TENM3: variants seen among roughly 807,000 people sequenced by gnomAD.
TENM3 encodes teneurin transmembrane protein 3.
A neutral mutation model predicts 255.1 loss-of-function variants in TENM3; 63 were observed. The ratio of observed to expected loss-of-function variants is 0.25; its 90% confidence interval spans 0.20 to 0.30. TENM3 has a LOEUF of 0.30. Ranked by LOEUF, TENM3 falls within the 10% of genes least tolerant of loss-of-function variation. The probability of loss-of-function intolerance (pLI) is 1.00; values close to 1 mark genes in which losing one functional copy is unlikely to be tolerated. For missense variants in TENM3, 2,929 were observed against 3,461.1 expected, an observed-to-expected ratio of 0.85 and a Z score of 3.86; for synonymous variants, 1,306 against 1,322.3, an observed-to-expected ratio of 0.99 and a Z score of 0.27.
At chr4:181,479,611 C>T in the TENM3 span, among the ~76,000 whole-genome samples, 1 of 151,956 alleles carries the variant, frequency 6.6e-6, no homozygotes, top group African/African-American at 2.4e-5. Context: ...TTAAAAAACA[C>T]ACACAGAGGA....
At chr4:182,615,306 C>T (rs1020760553) in intron 4 of TENM3, among the ~76,000 whole-genome samples, 1 of 151,578 alleles carries the variant, frequency 6.6e-6, no homozygotes, top group Admixed American at 6.6e-5. Context: ...ATAAAAACTA[C>T]CCCAGCCAGA....
At chr4:182,554,233 T>A (rs1163351541) in intron 3 of TENM3, among the ~76,000 whole-genome samples, 6 of 152,226 alleles carry the variant, frequency 3.9e-5, no homozygotes, top group African/African-American at 1.4e-4. Flanking sequence ...TTTTTATTTC[T>A]CAGTTGCAAT....
the TENM3 span, among the ~76,000 whole-genome samples, chr4:181,853,816 G>C: frequency 1.3e-5 from 2 of 152,230 alleles, no homozygotes; most frequent in African/African-American, 4.8e-5. Flanking sequence ...CCAGCATGCT[G>C]TAGTAGCCCT....
chr4:181,726,373 A>C, the TENM3 span, among the ~76,000 whole-genome samples: 2 of 152,086 alleles, frequency 1.3e-5, no homozygotes, highest in African/African-American at 2.4e-5. Context: ...GGTATTTTGC[A>C]TGCAATTTCA....
the TENM3 span, among the ~76,000 whole-genome samples, chr4:181,658,647 T>C: frequency 2.0e-5 from 3 of 152,212 alleles, no homozygotes; most frequent in Non-Finnish European, 4.4e-5. Flanking sequence ...CGTAGCACGA[T>C]GGAGCAGAGA....
chr4:181,466,844 T>C, the TENM3 span, among the ~76,000 whole-genome samples: 1 of 151,950 alleles, frequency 6.6e-6, no homozygotes, highest in Non-Finnish European at 1.5e-5. Context: ...CTGAATTCTT[T>C]TTCTTGTAAA....
intron 12 of TENM3, among the ~76,000 whole-genome samples, chr4:182,700,226 G>A (rs34878599): frequency 1.3e-5 from 2 of 152,030 alleles, no homozygotes; most frequent in Non-Finnish European, 2.9e-5. Context: ...TAAATAAAAT[G>A]TTGGGACTTT....
chr4:182,061,760 GC>G, the TENM3 span, among the ~76,000 whole-genome samples: 2 of 151,944 alleles, frequency 1.3e-5, no homozygotes, highest in Non-Finnish European at 2.9e-5. Flanking sequence ...GGAGTTGGAG[GC>G]CAGCCTGGGC....
chr4:181,579,846 C>T, the TENM3 span, among the ~76,000 whole-genome samples: 1 of 152,096 alleles, frequency 6.6e-6, no homozygotes, highest in Non-Finnish European at 1.5e-5. Flanking sequence ...CATAGTAAAC[C>T]TACCCACCTG....
rs1452516426 is a variant in TENM3 at position 182,169,342 on chromosome 4, C to T, written c.-76+24588C>T. The stretch of plus-strand genomic sequence containing the variant: ...GTTTTGAATGTTTATTGTAAAGATA[C>T]TTTTCAACTCTAATGGGAGAGACAG... On this transcript the variant is annotated intron_variant, in intron 1 of 2. Transcript: ENST00000512480. The T allele has an allele frequency of 6.3e-6, 3 of 473,374 alleles. No individual in the cohort carries two copies. The Admixed American group carries it at 7.0e-5, about 11-fold the overall frequency. The allele number at this position is 473,374 out of a possible 1,614,324, so 29.3% of individuals were successfully genotyped here.
rs565196505 is a variant in TENM3 at position 182,329,061 on chromosome 4, T to C, written c.232+4809T>C. On this transcript the variant is annotated intron_variant, in intron 2 of 27. Coordinates refer to ENST00000511685, the MANE Select transcript of TENM3 (RefSeq NM_001080477.4). ...TAGTCTGAATGTTCCTGTAAATATG[T>C]ATCTTGGACCCTGGCATGATGGTGG... is the stretch of plus-strand genomic sequence containing the variant. Among the ~76,000 whole-genome samples, 4 of 152,242 alleles carry C rather than the reference T, an allele frequency of 2.6e-5. No homozygotes were observed. In the South Asian group the frequency reaches 8.3e-4, roughly 32 times the overall value.
chr4:182,172,288 G>T (rs1289328465), intron 1 of TENM3, among the ~76,000 whole-genome samples: 1 of 152,196 alleles, frequency 6.6e-6, no homozygotes, highest in Non-Finnish European at 1.5e-5. Context: ...ACTGTGTGGG[G>T]AGGGAAAGAC....
At chr4:182,667,955 A>G (rs1754857389) in intron 6 of TENM3, among the ~76,000 whole-genome samples, 1 of 143,824 alleles carries the variant, frequency 7.0e-6, no homozygotes, top group Non-Finnish European at 1.6e-5. Flanking sequence ...TAATAAATAC[A>G]TAAATACATT....
At chr4:182,070,502 A>G in the TENM3 span, among the ~76,000 whole-genome samples, 3 of 152,168 alleles carry the variant, frequency 2.0e-5, no homozygotes, top group Non-Finnish European at 4.4e-5. Context: ...CTATAATCCC[A>G]GCTACTTGGG....
the TENM3 span, among the ~76,000 whole-genome samples, chr4:181,520,791 T>C: frequency 6.6e-6 from 1 of 151,752 alleles, no homozygotes; most frequent in Non-Finnish European, 1.5e-5. Context: ...TGGTGTAGAC[T>C]CTTGTCTGTC....
intron 4 of TENM3, among the ~76,000 whole-genome samples, chr4:182,620,258 T>A (rs1419277167): frequency 1.3e-5 from 2 of 152,188 alleles, no homozygotes; most frequent in African/African-American, 4.8e-5. Context: ...CAGTATTCCA[T>A]TCCTTCGTTA....
At chr4:182,503,991 A>G (rs1334809143) in intron 3 of TENM3, among the ~76,000 whole-genome samples, 1 of 151,722 alleles carries the variant, frequency 6.6e-6, no homozygotes, top group East Asian at 1.9e-4. Flanking sequence ...ATACTATCTG[A>G]CATATTATCT....
chr4:182,761,329 G>A (rs949399237), intron 22 of TENM3, among the ~76,000 whole-genome samples: 3 of 152,102 alleles, frequency 2.0e-5, no homozygotes, highest in Admixed American at 6.5e-5. Context: ...TGAGGCAGGA[G>A]AATCGCTTGA....
chr4:182,485,597 T>G (rs572425716), intron 3 of TENM3, among the ~76,000 whole-genome samples: 8 of 152,304 alleles, frequency 5.3e-5, no homozygotes, highest in African/African-American at 1.9e-4. Context: ...TTTGATACTT[T>G]GCTTTAGAGG....
Sources: gnomAD v4.1 joint callset for allele counts (sites outside exome capture counted in the v4.1 genomes callset) on GRCh38, gnomAD v4.1.1 for gene constraint, MANE v1.5 for transcripts, NCBI Gene and HGNC (gene_info 2026-07-23, HGNC 2026-07-21) for gene names.